The following METTL8 variants were observed in gnomAD, a reference collection of about 807,000 sequenced individuals.
METTL8 encodes methyltransferase 8, tRNA N3-cytidine.
In METTL8, 32 loss-of-function variants were observed where a neutral mutation model predicts 48.7. The observed-to-expected ratio is 0.66, with a 90% CI of 0.50 to 0.88. The LOEUF (loss-of-function observed/expected upper bound fraction) is 0.88, where lower values mean the gene tolerates loss of function less well. Among genes scored for constraint, METTL8 ranks in the 40% least tolerant of loss-of-function variants. The pLI is 0.00. For synonymous variants in METTL8, 136 were observed against 157.1 expected, an observed-to-expected ratio of 0.87 and a Z score of 1.01; for missense variants, 464 against 474.4, an observed-to-expected ratio of 0.98 and a Z score of 0.20.
intron 1 of METTL8, among the ~76,000 whole-genome samples, chr2:171,399,146 G>C (rs1023114057): frequency 6.6e-6 from 1 of 152,076 alleles, no homozygotes; most frequent in Non-Finnish European, 1.5e-5. Flanking sequence ...AAATGAAACA[G>C]AACAAGCAAG....
At chr2:171,371,846 T>C (rs1482121599) in intron 2 of METTL8, among the ~76,000 whole-genome samples, 1 of 141,858 alleles carries the variant, frequency 7.0e-6, no homozygotes, top group Non-Finnish European at 1.5e-5. Flanking sequence ...CTATTATTAT[T>C]ATTATTATTA....
At chr2:171,392,017 A>G in intron 2 of METTL8, 26 bp downstream of exon 2, 2 of 1,539,938 alleles carry the variant, frequency 1.3e-6, no homozygotes, top group Non-Finnish European at 1.8e-6. Flanking sequence ...AACACACATA[A>G]TATCAGATTT....
chr2:171,320,433 G>A lies in METTL8; in HGVS notation c.*3739C>T, dbSNP rs1684471167. The A allele has an allele frequency of 6.6e-6, 1 of 152,210 alleles. No homozygotes were observed. The highest frequency in any genetic ancestry group is 2.4e-5 in the African/African-American group (1 of 41,454). The allele number at this position is 152,210 out of a possible 1,614,324, so 9.4% of individuals were successfully genotyped here. ...CCGAATTTTACTGTGCCAGTCAAGA[G>A]GCTGGCTTGAATCCGCTATTTAGAA... On this transcript the variant is annotated 3_prime_UTR_variant, in exon 10 of 10. Coordinates refer to ENST00000375258, the MANE Select transcript of METTL8 (RefSeq NM_001321154.2).
At position 171,348,102 on chromosome 2, in the gene METTL8, C is replaced by G. The variant is rs117624449; in HGVS notation, c.236-8548G>C. On this transcript the variant is annotated intron_variant, in intron 3 of 9. Transcript: ENST00000375258. ...GCTCCCCAACTACTGTTGCTTCAAA[C>G]TTTGGCCTCAATTTGTAGACTAAAG... Among the ~76,000 whole-genome samples the G allele has an allele frequency of 1.9e-3, 291 of 152,308 alleles. 7 individuals carry two copies. The East Asian group carries it at 0.029, about 15-fold the overall frequency.
At chr2:171,366,214 T>C (rs140515075) in intron 2 of METTL8, among the ~76,000 whole-genome samples, 29 of 152,268 alleles carry the variant, frequency 1.9e-4, no homozygotes, top group African/African-American at 6.0e-4. Flanking sequence ...CTTGGTGACA[T>C]TGGAGTTCTG....
intron 1 of METTL8, among the ~76,000 whole-genome samples, chr2:171,407,343 G>A (rs906049093): frequency 6.6e-6 from 1 of 151,998 alleles, no homozygotes; most frequent in Non-Finnish European, 1.5e-5. Flanking sequence ...AAAAGCGGGG[G>A]GGAAATGGAA....
At chr2:171,413,272 C>A (rs1454849304) in intron 1 of METTL8, among the ~76,000 whole-genome samples, 2 of 152,178 alleles carry the variant, frequency 1.3e-5, no homozygotes, top group Non-Finnish European at 2.9e-5. Flanking sequence ...TCTGAAGAGA[C>A]AAAGCACTCC....
intron 1 of METTL8, among the ~76,000 whole-genome samples, chr2:171,427,754 G>C (rs1692565070): frequency 6.6e-6 from 1 of 152,080 alleles, no homozygotes; most frequent in Admixed American, 6.6e-5. Context: ...AGCACTTATT[G>C]CTACCTAGAA....
rs553730142 is a variant in METTL8 at position 171,360,464 on chromosome 2, C to T, written c.193G>A (p.Val65Ile). Residue 65 changes from valine (V) to isoleucine (I), a missense_variant, in exon 3 of 10, where the codon GTA becomes ATA. Coordinates refer to ENST00000375258, the MANE Select transcript of METTL8 (RefSeq NM_001321154.2). ...ACTCGCACAGCTGAGTTTTCTTTTA[C>T]TTTTTTTCTGGCTGCTGCTTCTTCT... ...KEEEAAARKKVKENSAVRVLL... is the reference protein window; with the variant it reads ...KEEEAAARKKIKENSAVRVLL... 81 of 1,613,762 alleles carry T rather than the reference C, an allele frequency of 5.0e-5. No homozygotes were observed. In the South Asian group the frequency reaches 8.0e-4, roughly 16 times the overall value.
intron 2 of METTL8, among the ~76,000 whole-genome samples, chr2:171,373,502 A>G (rs992127379): frequency 3.9e-5 from 6 of 152,112 alleles, no homozygotes; most frequent in African/African-American, 9.7e-5. Flanking sequence ...ACATTTGTCA[A>G]TTCTGGCTTT....
At chr2:171,359,619 G>GTT (rs371821670) in intron 3 of METTL8, among the ~76,000 whole-genome samples, 3 of 145,096 alleles carry the variant, frequency 2.1e-5, no homozygotes, top group Non-Finnish European at 4.6e-5. Flanking sequence ...AACATTTCCG[G>GTT]TTTTTTTTTT....
At chr2:171,429,757 C>A (rs781619687) in intron 1 of METTL8, among the ~76,000 whole-genome samples, 1 of 152,102 alleles carries the variant, frequency 6.6e-6, no homozygotes, top group Non-Finnish European at 1.5e-5. Context: ...AAATACTGCT[C>A]AGCCAGGCGT....
chr2:171,375,520 T>C (rs1234899690), intron 2 of METTL8, among the ~76,000 whole-genome samples: 2 of 152,234 alleles, frequency 1.3e-5, no homozygotes, highest in African/African-American at 2.4e-5. Context: ...AGGTGTGTAG[T>C]AGTATTTTAC....
chr2:171,423,649 G>A (rs544819175), intron 1 of METTL8, among the ~76,000 whole-genome samples: 3 of 152,306 alleles, frequency 2.0e-5, no homozygotes, highest in African/African-American at 4.8e-5. Flanking sequence ...CTGCCCTAGA[G>A]ATCTGTGGAA....
rs373304784 is a variant in METTL8 at position 171,360,438 on chromosome 2, G to A, written c.219C>T (p.Val73=). Residue 73 remains valine, a synonymous_variant, in exon 3 of 10, where the codon GTC becomes GTT. Transcript: ENST00000375258. ...KKVKENSAVR[V]LLEEQVKYER... Reference sequence around the variant, plus strand: ...GTTGACTACCTTGCTCTTCCAGAAGGACTCGCACAGCTGAGTTTTCTTTTA... The same window carrying A: ...GTTGACTACCTTGCTCTTCCAGAAGAACTCGCACAGCTGAGTTTTCTTTTA... 7 of 1,613,614 alleles carry A rather than the reference G, an allele frequency of 4.3e-6. No individual in the cohort carries two copies. The highest frequency in any genetic ancestry group is 1.7e-5 in the Admixed American group (1 of 59,966).
intron 1 of METTL8, among the ~76,000 whole-genome samples, chr2:171,405,941 AAGGAC>A (rs1275043574): frequency 6.6e-6 from 1 of 152,172 alleles, no homozygotes; most frequent in Non-Finnish European, 1.5e-5. Context: ...AAAAATGGGA[AAGGAC>A]ACTAACAACA....
rs368130058 is a variant in METTL8, at chr2:171,320,552, C to T, written c.*3620G>A. On this transcript the variant is annotated 3_prime_UTR_variant, in exon 10 of 10. Coordinates refer to ENST00000375258, the MANE Select transcript of METTL8 (RefSeq NM_001321154.2). ...ACCACCTTGGGCCATGATTTTTAAA[C>T]GGAGACACAAGGAGATCTGCTGGGG... is the stretch of plus-strand genomic sequence containing the variant. The T allele has an allele frequency of 9.9e-5, 15 of 152,188 alleles. No individual in the cohort carries two copies. The highest frequency in any genetic ancestry group is 1.8e-4 in the Non-Finnish European group (12 of 68,026). 9.4% of individuals were successfully genotyped at this position (152,188 alleles called of 1,614,324 possible).
chr2:171,423,147 T>C (rs1692046132), intron 1 of METTL8, among the ~76,000 whole-genome samples: 1 of 152,188 alleles, frequency 6.6e-6, no homozygotes, highest in African/African-American at 2.4e-5. Context: ...AACGATGTGT[T>C]TGCTTCCCCT....
chr2:171,360,453 GTTTTC>G lies in METTL8; in HGVS notation c.199_203del (p.Glu67LeufsTer12), dbSNP rs1403543029. The G allele has an allele frequency of 1.9e-6, 3 of 1,613,738 alleles. No homozygotes were observed. Among genetic ancestry groups the G allele is most frequent in the Non-Finnish European group, 2.5e-6 (3 of 1,179,876 alleles). On this transcript the variant is annotated frameshift_variant, in exon 3 of 10. Coordinates refer to ENST00000375258, the MANE Select transcript of METTL8 (RefSeq NM_001321154.2). LOFTEE classifies it high-confidence loss of function. ...CTTCCAGAAGGACTCGCACAGCTGA[GTTTTC>G]TTTTACTTTTTTTCTGGCTGCTGCT... is the stretch of plus-strand genomic sequence containing the variant.
Sources: allele counts gnomAD v4.1 joint callset (sites outside exome capture counted in the v4.1 genomes callset), GRCh38; gene constraint gnomAD v4.1.1; transcripts MANE v1.5; gene names NCBI Gene and HGNC (gene_info 2026-07-23, HGNC 2026-07-21).